The following DSCAML1 variants were observed in gnomAD, a reference collection of about 807,000 sequenced individuals.
DSCAML1 encodes the protein cell adhesion molecule DSCAML1.
Under a neutral mutation model 200.5 loss-of-function variants are expected in DSCAML1, and 38 were observed. That is an observed-to-expected ratio of 0.19 (90% CI 0.15 to 0.25). DSCAML1 has a LOEUF of 0.25. Ranked by LOEUF, DSCAML1 falls within the 10% of genes least tolerant of loss-of-function variation. DSCAML1 has a pLI of 1.00. For synonymous variants in DSCAML1, 1,215 were observed against 1,165.0 expected, an observed-to-expected ratio of 1.04 and a Z score of -0.87; for missense variants, 2,223 against 2,858.8, an observed-to-expected ratio of 0.78 and a Z score of 5.07.
chr11:117,651,857 C>A (rs1208174075), intron 3 of DSCAML1, among the ~76,000 whole-genome samples: 1 of 152,104 alleles, frequency 6.6e-6, no homozygotes, highest in Non-Finnish European at 1.5e-5. Context: ...GATGTCTCCC[C>A]GAGCCTCTGC....
chr11:117,549,086 G>A (rs2050427660), intron 3 of DSCAML1, among the ~76,000 whole-genome samples: 1 of 152,234 alleles, frequency 6.6e-6, no homozygotes, highest in African/African-American at 2.4e-5. Context: ...CTGGGTGGCA[G>A]TGGAGACCAT....
intron 3 of DSCAML1, among the ~76,000 whole-genome samples, chr11:117,649,630 G>A (rs1222860189): frequency 4.6e-5 from 7 of 152,040 alleles, no homozygotes; most frequent in Admixed American, 1.3e-4. Flanking sequence ...CTCTGGGCTC[G>A]TCCCTACCAA....
At position 117,489,978 on chromosome 11, in the gene DSCAML1, TAGGCTCACTC is replaced by T. The variant is rs1000525063; in HGVS notation, c.2360-7826_2360-7817del. 1.7e-4 allele frequency among the ~76,000 whole-genome samples: 26 copies of T among 152,296 alleles called. No individual in the cohort carries two copies. Among genetic ancestry groups the T allele is most frequent in the African/African-American group, 5.5e-4 (23 of 41,574 alleles). On this transcript the variant is annotated intron_variant, in intron 11 of 32. Transcript: ENST00000651296. The surrounding 1 kb of genome is among the most constrained non-coding windows in gnomAD (Gnocchi z 4.8). ...AGGGCAGCCTGCCCCAGTCCACACT[TAGGCTCACTC>T]AGGGGAGCGGGGAGCCTTGCTGGGC...
chr11:117,751,475 AC>A (rs2054604618), intron 3 of DSCAML1, among the ~76,000 whole-genome samples: 1 of 151,350 alleles, frequency 6.6e-6, no homozygotes, highest in African/African-American at 2.4e-5. Flanking sequence ...ATTATTTCAG[AC>A]AGTTTCTCAC....
chr11:117,718,712 C>T (rs1209445714), intron 3 of DSCAML1, among the ~76,000 whole-genome samples: 1 of 126,416 alleles, frequency 7.9e-6, no homozygotes, highest in Non-Finnish European at 1.6e-5. Flanking sequence ...AAAATCCTCT[C>T]TGGCTAGTGT....
At chr11:117,552,590 C>T (rs1183545019) in intron 3 of DSCAML1, among the ~76,000 whole-genome samples, 1 of 152,120 alleles carries the variant, frequency 6.6e-6, no homozygotes, top group East Asian at 1.9e-4. Flanking sequence ...GAAATCCTAC[C>T]CTATCTACTT....
chr11:117,549,689 G>A (rs752945797), intron 3 of DSCAML1, among the ~76,000 whole-genome samples: 21 of 152,280 alleles, frequency 1.4e-4, no homozygotes, highest in Non-Finnish European at 2.4e-4. Flanking sequence ...GGTACACTCC[G>A]GAGCTTGGAG....
chr11:117,528,084 G>A (rs1487610644), intron 4 of DSCAML1, among the ~76,000 whole-genome samples: 1 of 152,166 alleles, frequency 6.6e-6, no homozygotes, highest in Non-Finnish European at 1.5e-5. Flanking sequence ...CGCTTTAGAC[G>A]CTCAATCCAG....
intron 1 of DSCAML1, among the ~76,000 whole-genome samples, chr11:117,809,714 C>G (rs1028213891): frequency 6.6e-6 from 1 of 152,212 alleles, no homozygotes; most frequent in Non-Finnish European, 1.5e-5. Flanking sequence ...TGATTCTCAG[C>G]TGAGGAGGCT....
intron 11 of DSCAML1, 41 bp from the exon 12 acceptor site, chr11:117,482,203 G>C: frequency 6.2e-7 from 1 of 1,609,320 alleles, no homozygotes; most frequent in East Asian, 2.2e-5. Flanking sequence ...AAGGTCGGGA[G>C]ACCAGCCTGG....
chr11:117,749,385 G>A (rs1433978050), intron 3 of DSCAML1, among the ~76,000 whole-genome samples: 9 of 152,244 alleles, frequency 5.9e-5, no homozygotes, highest in Non-Finnish European at 1.3e-4. Flanking sequence ...TCCTCATGGT[G>A]GGGTGAAGGC....
intron 16 of DSCAML1, among the ~76,000 whole-genome samples, chr11:117,466,255 T>C (rs866857378): frequency 6.6e-6 from 1 of 152,194 alleles, no homozygotes; most frequent in African/African-American, 2.4e-5. Context: ...AATGGGATAG[T>C]ATGCAGCCAT....
intron 20 of DSCAML1, among the ~76,000 whole-genome samples, chr11:117,444,870 G>A (rs952924970): frequency 6.6e-6 from 1 of 152,134 alleles, no homozygotes; most frequent in Admixed American, 6.5e-5. Context: ...GGCGGGATGG[G>A]GCTGACTTTC....
chr11:117,773,133 T>C (rs558173881), intron 3 of DSCAML1, among the ~76,000 whole-genome samples: 1 of 152,208 alleles, frequency 6.6e-6, no homozygotes, highest in South Asian at 2.1e-4. Context: ...GAGATTGTTT[T>C]TGGTCCCAAG....
rs987910904 is a variant in DSCAML1 at position 117,650,351 on chromosome 11, C to T, written c.512-117829G>A. Among the ~76,000 whole-genome samples the T allele has an allele frequency of 2.6e-5, 4 of 152,218 alleles. No individual in the cohort carries two copies. The South Asian group carries it at 6.2e-4, about 24-fold the overall frequency. On this transcript the variant is annotated intron_variant, in intron 3 of 32. Coordinates refer to ENST00000651296, the MANE Select transcript of DSCAML1 (RefSeq NM_020693.4). ...GAAGAGGATAGGGCCCGGGTTTCTTCTGCATGTTGCCAGGATCCAGTTATG... is the reference window on the plus strand; with the variant it reads ...GAAGAGGATAGGGCCCGGGTTTCTTTTGCATGTTGCCAGGATCCAGTTATG...
chr11:117,432,258 T>G (rs2047815922), intron 30 of DSCAML1, 94 bp downstream of exon 30: 6 of 1,370,230 alleles, frequency 4.4e-6, no homozygotes, highest in Non-Finnish European at 5.8e-6. Flanking sequence ...TTAAGCTCCC[T>G]CCTCCCTTTA....
At chr11:117,801,950 G>T (rs1457581942), upstream of DSCAML1, 1 of 152,248 alleles carries the variant, frequency 6.6e-6, no homozygotes, top group Admixed American at 6.5e-5. Context: ...CCAACCCAGA[G>T]AGGTTCCATG....
At chr11:117,434,666 TATTC>T (rs1476084883) in intron 27 of DSCAML1, among the ~76,000 whole-genome samples, 3 of 152,104 alleles carry the variant, frequency 2.0e-5, no homozygotes, top group African/African-American at 7.2e-5. Context: ...CCCAGCCATC[TATTC>T]AGCCATCCAG....
chr11:117,606,128 C>T (rs947660475), intron 3 of DSCAML1, among the ~76,000 whole-genome samples: 6 of 152,146 alleles, frequency 3.9e-5, no homozygotes, highest in African/African-American at 7.2e-5. Flanking sequence ...CCCATAGAGC[C>T]GTGGCGACTC....
Sources: gnomAD v4.1 joint callset for allele counts (sites outside exome capture counted in the v4.1 genomes callset) on GRCh38, gnomAD v4.1.1 for gene constraint, Gnocchi (gnomAD v3.1) non-coding constraint, MANE v1.5 for transcripts, NCBI Gene and HGNC (gene_info 2026-07-23, HGNC 2026-07-21) for gene names.